Variants in CCDC171 observed in about 807,000 individuals in gnomAD.
CCDC171 encodes the protein coiled-coil domain-containing protein 171.
A neutral mutation model predicts 168.2 loss-of-function variants in CCDC171; 177 were observed. That is an observed-to-expected ratio of 1.05 (90% CI 0.93 to 1.19). CCDC171 has a LOEUF of 1.19. Ranked by LOEUF, CCDC171 falls within the 50% of genes most tolerant of loss-of-function variation. The pLI is 0.00. For synonymous variants in CCDC171, 687 were observed against 540.8 expected (o/e 1.27, Z -3.75); for missense variants, 1,991 against 1,539.0 (o/e 1.29, Z -4.91).
intron 4 of CCDC171, among the ~76,000 whole-genome samples, chr9:15,590,141 A>G (rs1179407426): frequency 6.6e-6 from 1 of 152,170 alleles, no homozygotes; most frequent in Non-Finnish European, 1.5e-5. Context: ...GCCTCAAACT[A>G]CTTTCCTGCA....
At chr9:15,584,586 A>G (rs148750801) in intron 4 of CCDC171, among the ~76,000 whole-genome samples, 56 of 152,314 alleles carry the variant, frequency 3.7e-4, no homozygotes, top group African/African-American at 1.3e-3. Context: ...TGAGGGCCCC[A>G]TGACCTACTT....
intron 18 of CCDC171, among the ~76,000 whole-genome samples, chr9:15,746,180 A>G (rs1380142744): frequency 6.6e-6 from 1 of 152,164 alleles, no homozygotes; most frequent in Non-Finnish European, 1.5e-5. Context: ...GGATTGCATG[A>G]TATTTTGTCT....
At chr9:16,049,925 C>G (rs1385835388) in intron 1 of CCDC171, among the ~76,000 whole-genome samples, 1 of 152,104 alleles carries the variant, frequency 6.6e-6, no homozygotes, top group Admixed American at 6.5e-5. Context: ...CTTACTCTGT[C>G]ACACAGGCTG....
At chr9:15,737,201 A>G (rs561162833) in intron 16 of CCDC171, among the ~76,000 whole-genome samples, 90 of 152,230 alleles carry the variant, frequency 5.9e-4, no homozygotes, top group African/African-American at 2.0e-3. Context: ...TATGTTATAT[A>G]CCAAATATAT....
chr9:15,772,141 G>A (rs1002508910), intron 18 of CCDC171, among the ~76,000 whole-genome samples: 3 of 152,058 alleles, frequency 2.0e-5, no homozygotes, highest in Non-Finnish European at 2.9e-5. Context: ...GCCTGCACCA[G>A]TATTTTTAAA....
rs143249097 is a variant in CCDC171, at chr9:15,990,215, C to G, written n.369-30374C>G. ...TACCCACAAAGGGAAGCCCATCAGA[C>G]TGACAGCAGATCTCTTGGCAGAAAC... On this transcript the variant is annotated intron_variant and non_coding_transcript_variant, in intron 3 of 9. Transcript: ENST00000486641. 3.5e-3 allele frequency among the ~76,000 whole-genome samples: 526 copies of G among 152,250 alleles called. 3 individuals carry two copies. The highest frequency in any genetic ancestry group is 6.1e-3 in the Non-Finnish European group (412 of 68,038).
the CCDC171 span, among the ~76,000 whole-genome samples, chr9:16,085,179 T>G: frequency 1.3e-5 from 2 of 152,210 alleles, no homozygotes; most frequent in African/African-American, 4.8e-5. Context: ...CTCTTATCTA[T>G]CGACACTCCA....
At chr9:15,801,380 A>C (rs908357681) in intron 21 of CCDC171, among the ~76,000 whole-genome samples, 5 of 152,036 alleles carry the variant, frequency 3.3e-5, no homozygotes, top group Admixed American at 6.6e-5. Flanking sequence ...TGGCTATGGT[A>C]AATGGGATTA....
chr9:15,855,737 T>C (rs1318663461), intron 23 of CCDC171, among the ~76,000 whole-genome samples: 1 of 151,892 alleles, frequency 6.6e-6, no homozygotes, highest in Non-Finnish European at 1.5e-5. Context: ...CCTTGGTGAT[T>C]ATAATTAACA....
At chr9:15,911,859 G>A (rs1307818069) in intron 24 of CCDC171, among the ~76,000 whole-genome samples, 1 of 152,192 alleles carries the variant, frequency 6.6e-6, no homozygotes, top group Non-Finnish European at 1.5e-5. Context: ...GATGGTTGTA[G>A]ATGTGTGGTG....
At chr9:16,056,012 T>G (rs555484717) in intron 1 of CCDC171, among the ~76,000 whole-genome samples, 35 of 152,364 alleles carry the variant, frequency 2.3e-4, no homozygotes, top group African/African-American at 7.9e-4. Context: ...GGCAACAACA[T>G]GGAAGAATGC....
chr9:15,902,683 G>T (rs572567693), intron 24 of CCDC171, among the ~76,000 whole-genome samples: 2 of 152,178 alleles, frequency 1.3e-5, no homozygotes, highest in Admixed American at 6.5e-5. Context: ...TGGAAAGTGG[G>T]TGCAGGACAG....
chr9:15,874,699 A>T, intron 24 of CCDC171, 36 bp downstream of exon 24: 1 of 1,478,966 alleles, frequency 6.8e-7, no homozygotes, highest in Non-Finnish European at 9.0e-7. Flanking sequence ...CTACTGAGAC[A>T]TATAGAAAAA....
rs1437864872 is a variant in CCDC171 at position 15,821,770 on chromosome 9, A to C, written c.3268-24932A>C. Among the ~76,000 whole-genome samples, 6 of 116,782 alleles carry C rather than the reference A, an allele frequency of 5.1e-5. 1 individual carries two copies. The highest frequency in any genetic ancestry group is 2.0e-4 in the African/African-American group (6 of 30,756). 76.6% of individuals were successfully genotyped at this position (116,782 alleles called of 152,430 possible). On this transcript the variant is annotated intron_variant, in intron 21 of 25. Coordinates refer to ENST00000380701, the MANE Select transcript of CCDC171 (RefSeq NM_173550.4). The stretch of plus-strand genomic sequence containing the variant: ...ATGGCCATACTGCCCAAGGTAATTT[A>C]TACATTCAATGCCATCCCCATCAAG...
At chr9:15,583,547 A>G (rs199741459) in intron 4 of CCDC171, among the ~76,000 whole-genome samples, 1 of 152,242 alleles carries the variant, frequency 6.6e-6, no homozygotes, top group African/African-American at 2.4e-5. Flanking sequence ...ACTCAGGAAT[A>G]GAAAACCACT....
intron 21 of CCDC171, among the ~76,000 whole-genome samples, chr9:15,825,853 G>T (rs1563817262): frequency 6.6e-6 from 1 of 152,182 alleles, no homozygotes; most frequent in South Asian, 2.1e-4. Flanking sequence ...ATTGGTGGTA[G>T]AGGGGCACCA....
chr9:15,913,948 G>C (rs927897943), intron 24 of CCDC171, among the ~76,000 whole-genome samples: 9 of 152,192 alleles, frequency 5.9e-5, no homozygotes, highest in African/African-American at 2.2e-4. Context: ...TCCAGACCCT[G>C]TTTGCCTAGG....
intron 7 of CCDC171, among the ~76,000 whole-genome samples, chr9:15,639,786 T>C (rs2046458391): frequency 6.6e-6 from 1 of 152,216 alleles, no homozygotes; most frequent in South Asian, 2.1e-4. Context: ...ATGCTTTATA[T>C]GAGCCTGTTT....
chr9:15,851,218 A>G (rs1017503276), intron 23 of CCDC171, among the ~76,000 whole-genome samples: 3 of 151,990 alleles, frequency 2.0e-5, no homozygotes, highest in Non-Finnish European at 4.4e-5. Context: ...TACTACAACT[A>G]TATTACACAG....
Sources: gnomAD v4.1 joint callset for allele counts (sites outside exome capture counted in the v4.1 genomes callset) on GRCh38, gnomAD v4.1.1 for gene constraint, MANE v1.5 for transcripts, NCBI Gene and HGNC (gene_info 2026-07-23, HGNC 2026-07-21) for gene names.